Variants in DLG2 observed in about 807,000 individuals in gnomAD.
The protein encoded by DLG2 is disks large homolog 2.
DLG2 carries 45 observed loss-of-function variants against 132.5 expected under a neutral mutation model. The observed-to-expected ratio is 0.34, with a 90% CI of 0.27 to 0.44. The LOEUF (loss-of-function observed/expected upper bound fraction) is 0.44, where lower values mean the gene tolerates loss of function less well. Among genes scored for constraint, DLG2 ranks in the 20% least tolerant of loss-of-function variants. The pLI is 1.00. For missense variants in DLG2, 1,045 were observed against 1,196.9 expected (o/e 0.87, Z 1.87); for synonymous variants, 424 against 419.6 (o/e 1.01, Z -0.13).
intron 7 of DLG2, among the ~76,000 whole-genome samples, chr11:84,364,987 T>C (rs1417574402): frequency 1.3e-5 from 2 of 152,120 alleles, no homozygotes; most frequent in Admixed American, 1.3e-4. Flanking sequence ...TTTGGTTGTG[T>C]CTCTGCCTGG....
At chr11:85,163,813 A>G (rs1361333040) in intron 4 of DLG2, among the ~76,000 whole-genome samples, 3 of 152,160 alleles carry the variant, frequency 2.0e-5, no homozygotes, top group Non-Finnish European at 2.9e-5. Flanking sequence ...GTAGGGGAGA[A>G]AAAAATAGCT....
intron 6 of DLG2, among the ~76,000 whole-genome samples, chr11:84,736,708 A>G (rs2063878134): frequency 6.6e-6 from 1 of 152,000 alleles, no homozygotes; most frequent in African/African-American, 2.4e-5. Flanking sequence ...GTACGTAGAA[A>G]TACAAATACA....
chr11:84,531,974 T>C (rs547745184), intron 7 of DLG2, among the ~76,000 whole-genome samples: 1 of 152,248 alleles, frequency 6.6e-6, no homozygotes, highest in Admixed American at 6.5e-5. Context: ...TGATATACAT[T>C]TTCCAAATGA....
chr11:85,467,767 T>C (rs1318579233), intron 3 of DLG2, among the ~76,000 whole-genome samples: 1 of 152,162 alleles, frequency 6.6e-6, no homozygotes, highest in Non-Finnish European at 1.5e-5. Context: ...AGGCCTAAAA[T>C]TATCTTTTTT....
At chr11:85,041,920 C>T (rs1231907092) in intron 6 of DLG2, among the ~76,000 whole-genome samples, 4 of 151,494 alleles carry the variant, frequency 2.6e-5, no homozygotes, top group African/African-American at 7.3e-5. Context: ...TAATGAACAT[C>T]GGAGAGTCAG....
intron 3 of DLG2, among the ~76,000 whole-genome samples, chr11:85,529,611 C>T (rs2075045966): frequency 6.6e-6 from 1 of 152,116 alleles, no homozygotes; most frequent in Non-Finnish European, 1.5e-5. Flanking sequence ...TCTACTCAGA[C>T]TCTTCATACA....
At chr11:84,228,622 T>G (rs558582933) in intron 8 of DLG2, among the ~76,000 whole-genome samples, 18 of 152,336 alleles carry the variant, frequency 1.2e-4, no homozygotes, top group African/African-American at 4.3e-4. Context: ...TGTTTGAACA[T>G]TAAAATGCTG....
At chr11:84,861,641 A>C (rs1301838673) in intron 6 of DLG2, among the ~76,000 whole-genome samples, 4 of 50,376 alleles carry the variant, frequency 7.9e-5, no homozygotes, top group South Asian at 1.1e-3. Context: ...AAAAAAAAAC[A>C]AAAAAAAAAA....
At chr11:84,716,582 T>C (rs2061252702) in intron 6 of DLG2, among the ~76,000 whole-genome samples, 1 of 151,868 alleles carries the variant, frequency 6.6e-6, no homozygotes, top group African/African-American at 2.4e-5. Context: ...TTGATGCCTA[T>C]TTTCTGATAA....
chr11:85,111,716 G>T lies in DLG2; in HGVS notation c.302C>A (p.Pro101Gln). Residue 101 changes from proline to glutamine, a missense_variant, in exon 6 of 28, where the codon CCA becomes CAA. Coordinates refer to ENST00000376104, the MANE Select transcript of DLG2 (RefSeq NM_001142699.3). ...ETTTQNQGRC[P>Q]AQNCSVEAPA... ...GGCTTCCACTGAACAATTCTGGGCT[G>T]GGCATCTGCCTTGGTTTTGCTGCAA... 1 of 1,560,022 alleles carries T rather than the reference G, an allele frequency of 6.4e-7. No homozygotes were observed.
intron 6 of DLG2, among the ~76,000 whole-genome samples, chr11:84,549,705 G>T (rs989577564): frequency 6.6e-6 from 1 of 152,042 alleles, no homozygotes; most frequent in Admixed American, 6.6e-5. Flanking sequence ...GCCAGGACCC[G>T]CCTCCTAACA....
At chr11:85,300,564 A>G (rs2079525096) in intron 3 of DLG2, among the ~76,000 whole-genome samples, 1 of 152,198 alleles carries the variant, frequency 6.6e-6, no homozygotes, top group East Asian at 1.9e-4. Context: ...CTGTATGAAT[A>G]GATAGATGGG....
At chr11:84,868,035 C>G (rs1160972895) in intron 6 of DLG2, among the ~76,000 whole-genome samples, 3 of 151,242 alleles carry the variant, frequency 2.0e-5, no homozygotes, top group African/African-American at 7.3e-5. Flanking sequence ...GATCGCGCCA[C>G]TGCACTCCAG....
At chr11:85,283,162 A>C (rs192323561) in intron 4 of DLG2, among the ~76,000 whole-genome samples, 1 of 152,008 alleles carries the variant, frequency 6.6e-6, no homozygotes, top group African/African-American at 2.4e-5. Context: ...ATGAAATATA[A>C]TCTTACAACA....
intron 7 of DLG2, among the ~76,000 whole-genome samples, chr11:84,463,039 G>C (rs1158725114): frequency 6.6e-6 from 1 of 151,106 alleles, no homozygotes; most frequent in Non-Finnish European, 1.5e-5. Context: ...TCTTCAAAGA[G>C]ATGCAATATT....
At chr11:84,744,920 GA>G in intron 6 of DLG2, among the ~76,000 whole-genome samples, 1 of 94,730 alleles carries the variant, frequency 1.1e-5, no homozygotes, top group South Asian at 3.6e-4. Context: ...AAAAAAAAAA[GA>G]AACCTGGACA....
intron 6 of DLG2, among the ~76,000 whole-genome samples, chr11:84,688,914 G>T (rs1045919267): frequency 1.3e-5 from 2 of 152,082 alleles, no homozygotes; most frequent in African/African-American, 2.4e-5. Flanking sequence ...AACAACTTCT[G>T]CATATACTTA....
intron 9 of DLG2, among the ~76,000 whole-genome samples, chr11:84,142,984 C>G (rs1272438489): frequency 6.6e-6 from 1 of 152,004 alleles, no homozygotes; most frequent in Non-Finnish European, 1.5e-5. Context: ...GACTCTAATA[C>G]AGTGAGTCTC....
chr11:83,532,311 T>A (rs955889812), intron 21 of DLG2, among the ~76,000 whole-genome samples: 5 of 152,154 alleles, frequency 3.3e-5, no homozygotes, highest in African/African-American at 1.2e-4. Context: ...GACTACTGTC[T>A]TAGCTTCATA....
Sources: gnomAD v4.1 joint callset for allele counts (sites outside exome capture counted in the v4.1 genomes callset) on GRCh38, gnomAD v4.1.1 for gene constraint, MANE v1.5 for transcripts, NCBI Gene and HGNC (gene_info 2026-07-23, HGNC 2026-07-21) for gene names.